SCN8A: variants seen among roughly 807,000 people sequenced by gnomAD.
SCN8A encodes sodium voltage-gated channel alpha subunit 8, also known as sodium channel protein type 8 subunit alpha.
Under a neutral mutation model 184.1 loss-of-function variants are expected in SCN8A, and 30 were observed. The observed-to-expected ratio is 0.16, with a 90% CI of 0.12 to 0.22. The LOEUF is 0.22. Among genes scored for constraint, SCN8A ranks in the 10% least tolerant of loss-of-function variants. SCN8A has a pLI of 1.00. For synonymous variants in SCN8A, 852 were observed against 907.0 expected (o/e 0.94, Z 1.09); for missense variants, 1,057 against 2,498.9 (o/e 0.42, Z 12.30).
chr12:51,654,508 G>A (rs928334157), intron 1 of SCN8A, among the ~76,000 whole-genome samples: 2 of 152,182 alleles, frequency 1.3e-5, no homozygotes, highest in African/African-American at 4.8e-5. Context: ...ATATATGTGA[G>A]GGTTTATTTC....
At chr12:51,675,303 C>T (rs1381514837) in intron 2 of SCN8A, among the ~76,000 whole-genome samples, 1 of 152,184 alleles carries the variant, frequency 6.6e-6, no homozygotes, top group Admixed American at 6.5e-5. Flanking sequence ...GGAAGGGTGG[C>T]AGCTACTCCA....
chr12:51,783,073 G>A (rs1937975429), intron 21 of SCN8A, among the ~76,000 whole-genome samples: 1 of 152,140 alleles, frequency 6.6e-6, no homozygotes. Flanking sequence ...TGGAATAAGA[G>A]TGCCACCTCA....
intron 12 of SCN8A, among the ~76,000 whole-genome samples, chr12:51,739,245 G>T (rs1016006140): frequency 3.9e-5 from 6 of 152,094 alleles, no homozygotes; most frequent in Admixed American, 1.3e-4. Context: ...GATCTGGGGG[G>T]TTTGTTCTAA....
chr12:51,807,000 C>T lies in SCN8A; in HGVS notation c.5514C>T (p.Ser1838=), dbSNP rs372388512. The T allele has an allele frequency of 8.3e-5, 134 of 1,613,992 alleles. 1 individual carries two copies. The African/African-American group carries it at 1.3e-3, about 16-fold the overall frequency. ...ELIAMDLPMV[S]GDRIHCLDIL... ...TCGCTATGGATCTGCCAATGGTGAGCGGGGATCGCATCCACTGCTTGGACA... is the reference window on the plus strand; with the variant it reads ...TCGCTATGGATCTGCCAATGGTGAGTGGGGATCGCATCCACTGCTTGGACA... Residue 1838 remains serine, a synonymous_variant, in exon 27 of 27, where the codon AGC becomes AGT. Coordinates refer to ENST00000627620, the MANE Select transcript of SCN8A (RefSeq NM_001330260.2). The surrounding 1 kb of genome is among the most constrained non-coding windows in gnomAD (Gnocchi z 8.7).
At chr12:51,669,249 T>C (rs1379818012) in intron 2 of SCN8A, among the ~76,000 whole-genome samples, 2 of 152,226 alleles carry the variant, frequency 1.3e-5, no homozygotes, top group African/African-American at 4.8e-5. Flanking sequence ...CTGACTATAG[T>C]GGAAAGAGTG....
intron 2 of SCN8A, among the ~76,000 whole-genome samples, chr12:51,672,031 C>T (rs1941140719): frequency 6.6e-6 from 1 of 152,166 alleles, no homozygotes; most frequent in African/African-American, 2.4e-5. Flanking sequence ...CTTTCTACCT[C>T]CTCTGGAATT....
chr12:51,649,189 T>A (rs1257540769), intron 1 of SCN8A, among the ~76,000 whole-genome samples: 1 of 152,198 alleles, frequency 6.6e-6, no homozygotes, highest in Non-Finnish European at 1.5e-5. Flanking sequence ...TGGGTTCCCA[T>A]GGTTTTGGGC....
chr12:51,737,348 G>A (rs1031163189), intron 12 of SCN8A, among the ~76,000 whole-genome samples: 2 of 152,126 alleles, frequency 1.3e-5, no homozygotes, highest in Non-Finnish European at 2.9e-5. Flanking sequence ...CAAATCTAGG[G>A]TCTTCTCTGG....
Position 51,765,677 on chromosome 12 carries a change from G to T in SCN8A, c.2551G>T (p.Val851Phe). The T allele has an allele frequency of 1.9e-6, 3 of 1,556,262 alleles. No individual in the cohort carries two copies. Among genetic ancestry groups the T allele is most frequent in the South Asian group, 2.4e-5 (2 of 83,908 alleles). The change falls in exon 16 of 27, where the codon GTC becomes TTC. Residue 851 changes from valine to phenylalanine, a missense_variant. Transcript: ENST00000627620. ...GGGTTTTTTTTTTCCTTAGCTCCGA[G>T]TCTTCAAATTGGCCAAATCCTGGCC... is the stretch of plus-strand genomic sequence containing the variant. The part of the protein sequence containing the change: ...SVLRSFRLLR[V>F]FKLAKSWPTL...
intron 22 of SCN8A, 90 bp downstream of exon 22, chr12:51,786,916 C>G: frequency 8.1e-7 from 1 of 1,235,268 alleles, no homozygotes. Flanking sequence ...AACCCTACTT[C>G]TAGAATCAGG....
intron 25 of SCN8A, 116 bp downstream of exon 25, chr12:51,790,618 C>T (rs1938222537): frequency 3.1e-6 from 2 of 651,288 alleles, no homozygotes; most frequent in East Asian, 5.9e-5. Flanking sequence ...GCCTAATCCT[C>T]TCCTCACCAC....
chr12:51,711,488 A>G (rs1941875205), intron 11 of SCN8A, among the ~76,000 whole-genome samples: 2 of 152,220 alleles, frequency 1.3e-5, no homozygotes, highest in Admixed American at 6.5e-5. Flanking sequence ...ATCACTTATA[A>G]CTATAACTAG....
intron 5 of SCN8A, among the ~76,000 whole-genome samples, chr12:51,687,939 T>C (rs1029629607): frequency 3.3e-5 from 5 of 152,214 alleles, no homozygotes; most frequent in Admixed American, 2.6e-4. Context: ...AGGTTTTGCA[T>C]GTATGCATGA....
chr12:51,699,760 C>A lies in SCN8A; in HGVS notation c.897C>A (p.Gly299=). The change falls in exon 7 of 27, where the codon GGC becomes GGA. Residue 299 remains glycine (G), a synonymous_variant. Transcript: ENST00000627620. ...NESYLENGTK[G]FDWEEYINNK... is the part of the protein sequence containing the mutation. ...GCTATCTTGAAAATGGCACCAAAGG[C>A]TTTGATTGGGAAGAGTATATCAACA... The A allele has an allele frequency of 6.2e-7, 1 of 1,613,748 alleles. No homozygotes were observed. The highest frequency in any genetic ancestry group is 2.2e-5 in the East Asian group (1 of 44,872).
intron 12 of SCN8A, among the ~76,000 whole-genome samples, chr12:51,733,450 G>A (rs1303479325): frequency 2.0e-5 from 3 of 152,074 alleles, no homozygotes; most frequent in Non-Finnish European, 4.4e-5. Context: ...GTTGAACTTG[G>A]TTTGCTAGTA....
chr12:51,729,106 AATATTTTATAC>A (rs1204174828), intron 12 of SCN8A, among the ~76,000 whole-genome samples: 2 of 152,212 alleles, frequency 1.3e-5, no homozygotes, highest in African/African-American at 2.4e-5. Context: ...CAATACAGAT[AATATTTTATAC>A]ATATTTTATA....
chr12:51,771,724 C>A (rs1039329206), intron 19 of SCN8A, among the ~76,000 whole-genome samples: 1 of 152,202 alleles, frequency 6.6e-6, no homozygotes, highest in African/African-American at 2.4e-5. Flanking sequence ...ACCCCGCCTG[C>A]CCCTGGGCCA....
chr12:51,705,867 A>G (rs1941774972), intron 10 of SCN8A, among the ~76,000 whole-genome samples: 1 of 152,218 alleles, frequency 6.6e-6, no homozygotes, highest in South Asian at 2.1e-4. Flanking sequence ...TGCAACCGCC[A>G]TGATGACTGG....
At position 51,806,854 on chromosome 12, in the gene SCN8A, G is replaced by A; in HGVS notation, c.5368G>A (p.Glu1790Lys). The stretch of plus-strand genomic sequence containing the variant: ...TGAGGATGACTTTGAGACCTTCTAT[G>A]AGATCTGGGAGAAGTTCGACCCCGA... Reference protein sequence around the residue: ...LSEDDFETFYEIWEKFDPDAT... With the variant: ...LSEDDFETFYKIWEKFDPDAT... The change falls in exon 27 of 27, where the codon GAG becomes AAG. Residue 1790 changes from glutamate (E) to lysine (K), a missense_variant. Glu to Lys is a moderately conservative substitution (Grantham distance 56). Transcript: ENST00000627620. The surrounding 1 kb of genome is among the most constrained non-coding windows in gnomAD (Gnocchi z 8.7). The A allele has an allele frequency of 6.2e-7, 1 of 1,614,004 alleles. No homozygotes were observed. The highest frequency in any genetic ancestry group is 8.5e-7 in the Non-Finnish European group (1 of 1,179,870).
Sources: allele counts gnomAD v4.1 joint callset (sites outside exome capture counted in the v4.1 genomes callset), GRCh38; gene constraint gnomAD v4.1.1; non-coding constraint Gnocchi (gnomAD v3.1); transcripts MANE v1.5; gene names NCBI Gene and HGNC (gene_info 2026-07-23, HGNC 2026-07-21).